The following GDAP1 variants were observed in gnomAD, a reference collection of about 807,000 sequenced individuals.
GDAP1 encodes ganglioside induced differentiation associated protein 1.
Under a neutral mutation model 40.1 loss-of-function variants are expected in GDAP1, and 34 were observed. That is an observed-to-expected ratio of 0.85 (90% CI 0.64 to 1.13). GDAP1 has a LOEUF of 1.13. Ranked by LOEUF, GDAP1 falls within the 50% of genes most tolerant of loss-of-function variation. The pLI is 0.00. For synonymous variants in GDAP1, 170 were observed against 157.4 expected (o/e 1.08, Z -0.60); for missense variants, 374 against 433.7 (o/e 0.86, Z 1.22).
chr8:74,407,699 CCTGA>C (rs66680283), intron 2 of GDAP1, among the ~76,000 whole-genome samples: 55,755 of 149,214 alleles, frequency 0.37, 11,580 homozygotes, highest in Middle Eastern at 0.46. Context: ...TCTAGAAAAC[CCTGA>C]CTAATATACC....
At position 74,366,742 on chromosome 8, in the gene GDAP1, C is replaced by T. The variant is rs1384843512; in HGVS notation, c.*2375C>T. On this transcript the variant is annotated 3_prime_UTR_variant, in exon 6 of 6. Coordinates refer to ENST00000220822, the MANE Select transcript of GDAP1 (RefSeq NM_018972.4). ...TGCGGATAGTCATAAATTGCTTGCT[C>T]AATTTTTAGTAATTATTGCTGTTGA... 2.2e-6 allele frequency: 1 copy of T among 453,300 alleles called. No individual in the cohort carries two copies. The highest frequency in any genetic ancestry group is 1.6e-5 in the South Asian group (1 of 64,220). The allele number at this position is 453,300 out of a possible 1,614,324, so 28.1% of individuals were successfully genotyped here. A position where few individuals can be genotyped will look rare whatever the true frequency, so the allele number is the denominator to read the frequency against.
chr8:74,401,194 C>T (rs1586822722), intron 2 of GDAP1, among the ~76,000 whole-genome samples: 1 of 149,218 alleles, frequency 6.7e-6, no homozygotes, highest in Admixed American at 6.6e-5. Flanking sequence ...GTACACCAAT[C>T]AGACGTAGAT....
At chr8:74,395,399 A>G (rs1464981394) in intron 2 of GDAP1, among the ~76,000 whole-genome samples, 1 of 152,206 alleles carries the variant, frequency 6.6e-6, no homozygotes, top group African/African-American at 2.4e-5. Context: ...TTAAACACCC[A>G]GAATACAGGA....
At chr8:74,474,164 G>GT (rs1323583660) in intron 2 of GDAP1, among the ~76,000 whole-genome samples, 5 of 152,162 alleles carry the variant, frequency 3.3e-5, no homozygotes, top group African/African-American at 7.2e-5. Flanking sequence ...CTTTGCTGAA[G>GT]TTTTTTATCA....
At position 74,454,424 on chromosome 8, in the gene GDAP1, A is replaced by T; in HGVS notation, c.166-34254A>T. Among the ~76,000 whole-genome samples the T allele has an allele frequency of 2.4e-5, 2 of 83,856 alleles. 1 individual carries two copies. Among genetic ancestry groups the T allele is most frequent in the Non-Finnish European group, 4.9e-5 (2 of 41,184 alleles). 55.0% of individuals were successfully genotyped at this position (83,856 alleles called of 152,430 possible). ...GACAAGCTAATTTTAGATTACAGAC[A>T]TTAGAGATGGAAAAGATCCACAGGA... On this transcript the variant is annotated intron_variant, in intron 2 of 2. Coordinates refer to the GDAP1 transcript ENST00000523640.
rs944297105 is a variant in GDAP1 at position 74,403,233 on chromosome 8, T to G, written c.165+51912T>G. On this transcript the variant is annotated intron_variant, in intron 2 of 2. Transcript: ENST00000523640. ...TTAAAAATGATATAGATGCTTTATC[T>G]TAATTGTTTAAGGTTTATTAGTATT... 3.3e-5 allele frequency among the ~76,000 whole-genome samples: 5 copies of G among 150,182 alleles called. 1 individual carries two copies. Among genetic ancestry groups the G allele is most frequent in the African/African-American group, 1.3e-4 (5 of 39,478 alleles).
At chr8:74,369,260 A>G (rs1809708843), downstream of GDAP1, among the ~76,000 whole-genome samples, 1 of 152,260 alleles carries the variant, frequency 6.6e-6, no homozygotes, top group South Asian at 2.1e-4. Context: ...TTACTAGACA[A>G]GCAAAGTTAT....
downstream of GDAP1, among the ~76,000 whole-genome samples, chr8:74,371,633 C>T (rs1809752476): frequency 6.7e-6 from 1 of 150,226 alleles, no homozygotes; most frequent in Admixed American, 6.6e-5. Flanking sequence ...GCACTCCAGC[C>T]TGGGCGACAG....
intron 2 of GDAP1, among the ~76,000 whole-genome samples, chr8:74,471,969 G>T (rs372135194): frequency 1.3e-5 from 2 of 152,016 alleles, no homozygotes; most frequent in African/African-American, 4.8e-5. Flanking sequence ...TTAGGTTCAG[G>T]AATACATGTG....
At chr8:74,368,515 T>C (rs529451398), downstream of GDAP1, among the ~76,000 whole-genome samples, 1 of 152,320 alleles carries the variant, frequency 6.6e-6, no homozygotes, top group South Asian at 2.1e-4. Context: ...TAAAAATTCT[T>C]ATTGCTCTGC....
intron 2 of GDAP1, among the ~76,000 whole-genome samples, chr8:74,476,192 G>T (rs1456003548): frequency 6.6e-6 from 1 of 152,150 alleles, no homozygotes; most frequent in Non-Finnish European, 1.5e-5. Flanking sequence ...CATGTGAAAT[G>T]GGTCTCTTGA....
At chr8:74,449,649 G>A (rs2131576309) in intron 2 of GDAP1, among the ~76,000 whole-genome samples, 1 of 151,924 alleles carries the variant, frequency 6.6e-6, no homozygotes. Flanking sequence ...GTATTGGTAA[G>A]TGTATCCTGC....
chr8:74,448,075 C>G (rs1806254605), intron 2 of GDAP1, among the ~76,000 whole-genome samples: 1 of 152,068 alleles, frequency 6.6e-6, no homozygotes, highest in Non-Finnish European at 1.5e-5. Context: ...GATTTATTTT[C>G]TTTTTTGAAT....
intron 2 of GDAP1, among the ~76,000 whole-genome samples, chr8:74,398,025 A>G (rs1563457559): frequency 1.3e-5 from 2 of 151,174 alleles, no homozygotes; most frequent in African/African-American, 2.4e-5. Context: ...ATCCTCTTTT[A>G]TTTCATTGAG....
At chr8:74,395,910 G>C (rs1810190568) in intron 2 of GDAP1, among the ~76,000 whole-genome samples, 1 of 152,150 alleles carries the variant, frequency 6.6e-6, no homozygotes, top group South Asian at 2.1e-4. Context: ...AAGATGTAAG[G>C]CAGGGTTTAC....
At chr8:74,361,236 C>A (rs1238399443) in intron 3 of GDAP1, among the ~76,000 whole-genome samples, 5 of 152,004 alleles carry the variant, frequency 3.3e-5, no homozygotes, top group Non-Finnish European at 7.4e-5. Context: ...AAAAATAAGG[C>A]TTTTTCCTCC....
intron 2 of GDAP1, among the ~76,000 whole-genome samples, chr8:74,442,441 G>A (rs573671581): frequency 1.1e-4 from 16 of 152,244 alleles, no homozygotes; most frequent in African/African-American, 3.6e-4. Flanking sequence ...TGTGTTTTAA[G>A]TTTGGGTTGC....
chr8:74,372,457 C>T (rs939091128), intron 2 of GDAP1, among the ~76,000 whole-genome samples: 1 of 152,158 alleles, frequency 6.6e-6, no homozygotes, highest in African/African-American at 2.4e-5. Context: ...TAATGATCGC[C>T]ATTCTAACTG....
intron 2 of GDAP1, among the ~76,000 whole-genome samples, chr8:74,416,979 A>C (rs1805791473): frequency 7.0e-6 from 1 of 142,762 alleles, no homozygotes; most frequent in Non-Finnish European, 1.5e-5. Context: ...CTTGGGAAGG[A>C]AAGTCGGCAG....
Sources: gnomAD v4.1 joint callset for allele counts (sites outside exome capture counted in the v4.1 genomes callset) on GRCh38, gnomAD v4.1.1 for gene constraint, MANE v1.5 for transcripts, NCBI Gene and HGNC (gene_info 2026-07-23, HGNC 2026-07-21) for gene names.